Variants in GART observed in about 807,000 individuals in gnomAD.
The protein encoded by GART is trifunctional purine biosynthetic protein adenosine-3.
Under a neutral mutation model 107.2 loss-of-function variants are expected in GART, and 43 were observed. The observed-to-expected ratio is 0.40, with a 90% CI of 0.31 to 0.52. GART has a LOEUF of 0.52. GART is among the 20% of genes least tolerant of loss of function. The pLI, the probability that GART is intolerant of heterozygous loss-of-function variation, is 0.52. For missense variants in GART, 1,107 were observed against 1,206.5 expected (o/e 0.92, Z 1.22); for synonymous variants, 434 against 427.0 (o/e 1.02, Z -0.20).
intron 16 of GART, 54 bp from the exon 17 acceptor site, chr21:33,511,512 C>T: frequency 2.0e-6 from 3 of 1,491,718 alleles, no homozygotes; most frequent in South Asian, 1.1e-5. Flanking sequence ...ACACAAAGTA[C>T]AAAAGTATGC....
At chr21:33,527,160 G>A (rs2085088706) in intron 10 of GART, among the ~76,000 whole-genome samples, 1 of 152,162 alleles carries the variant, frequency 6.6e-6, no homozygotes, top group Non-Finnish European at 1.5e-5. Flanking sequence ...GCTGCCATGC[G>A]TGGGATTCAT....
chr21:33,505,647 A>G lies in GART; in HGVS notation c.2639T>C (p.Leu880Pro). The change falls in exon 20 of 22, where the codon CTA becomes CCA. Residue 880 changes from leucine to proline, a missense_variant. By Grantham distance (98) the Leu-to-Pro change is moderately conservative. Coordinates refer to ENST00000381815, the MANE Select transcript of GART (RefSeq NM_000819.5). ...GTCTATGGAGAACTCTTCAAGGACT[A>G]GGTCAATTGCACTGTCAAATTCTAC... is the stretch of plus-strand genomic sequence containing the variant. The part of the protein sequence containing the change: ...NRVEFDSAID[L>P]VLEEFSIDIV... The G allele has an allele frequency of 6.2e-7, 1 of 1,612,096 alleles. No individual in the cohort carries two copies.
intron 3 of GART, 21 bp from the exon 4 acceptor site, chr21:33,534,774 C>T (rs752137873): frequency 6.5e-7 from 1 of 1,535,194 alleles, no homozygotes; most frequent in South Asian, 1.3e-5. Flanking sequence ...AAACAGTAGC[C>T]TTAGGTGAAC....
rs764983947 is a variant in GART at position 33,539,151 on chromosome 21, C to T, written c.145+20G>A. On this transcript the variant is annotated intron_variant, in intron 2 of 21. Transcript: ENST00000381815. ...AATAACAAATAATAACTATTACTCCCCACTTTAAAACATGATTACCGGTAT... is the reference window on the plus strand; with the variant it reads ...AATAACAAATAATAACTATTACTCCTCACTTTAAAACATGATTACCGGTAT... 17 of 1,604,790 alleles carry T rather than the reference C, an allele frequency of 1.1e-5. No homozygotes were observed. The highest frequency in any genetic ancestry group is 1.4e-5 in the Non-Finnish European group (17 of 1,175,484).
chr21:33,534,549 A>T, intron 4 of GART, 30 bp downstream of exon 4: 1 of 1,612,468 alleles, frequency 6.2e-7, no homozygotes, highest in Non-Finnish European at 8.5e-7. Context: ...AAACTAAACA[A>T]CTGTCCTTCA....
At position 33,507,347 on chromosome 21, in the gene GART, A is replaced by C. The variant is rs570523942; in HGVS notation, c.2453-1243T>G. ...ACTTATTTGTGGGAGCTAAAAATTA[A>C]AACAGTTGAACTCATGATGATAGTG... is the stretch of plus-strand genomic sequence containing the variant. On this transcript the variant is annotated intron_variant, in intron 18 of 21. Transcript: ENST00000381815. Among the ~76,000 whole-genome samples, 3 of 152,348 alleles carry C rather than the reference A, an allele frequency of 2.0e-5. No homozygotes were observed. In the South Asian group the frequency reaches 6.2e-4, roughly 32 times the overall value.
Position 33,503,971 on chromosome 21 carries a change from A to C in GART, c.*153T>G, listed in dbSNP as rs2084635247. The C allele has an allele frequency of 6.7e-6, 4 of 600,782 alleles. No individual in the cohort carries two copies. The highest frequency in any genetic ancestry group is 1.1e-5 in the Non-Finnish European group (4 of 359,920). The allele number at this position is 600,782 out of a possible 1,614,324, so 37.2% of individuals were successfully genotyped here. A position where few individuals can be genotyped will look rare whatever the true frequency, so the allele number is the denominator to read the frequency against. ...GCACTAACTAGTCTTGTTTTTAGTG[A>C]GTCTCTATTTATTAAAAAAATAGAT... On this transcript the variant is annotated 3_prime_UTR_variant, in exon 22 of 22. Transcript: ENST00000381815.
Position 33,505,964 on chromosome 21 carries a change from A to G in GART, c.2583+10T>C. On this transcript the variant is annotated intron_variant, in intron 19 of 21. Transcript: ENST00000381815. ...GGCCCACAGCAAAGATATTTTCCCA[A>G]GTAACTTACTCTAGTGGGAATACCA... 1 of 1,613,876 alleles carries G rather than the reference A, an allele frequency of 6.2e-7. No individual in the cohort carries two copies.
At chr21:33,522,389 A>C in intron 11 of GART, 107 bp from the exon 12 acceptor site, 1 of 860,812 alleles carries the variant, frequency 1.2e-6, no homozygotes, top group Non-Finnish European at 1.8e-6. Flanking sequence ...ACATACCCTA[A>C]AGTGCTTAAA....
In GART at chr21:33,522,147, A is replaced by G. The variant is rs199860870; in HGVS notation, c.1393+41T>C. The G allele has an allele frequency of 1.3e-4, 183 of 1,366,038 alleles. 1 individual carries two copies. In the African/African-American group the frequency reaches 2.2e-3, roughly 17 times the overall value. The allele number at this position is 1,366,038 out of a possible 1,614,324, so 84.6% of individuals were successfully genotyped here. ...TAAAACCCAAATCCATTCACAATGT[A>G]TATCAAAGTTAATGAATTAGCAAAG... On this transcript the variant is annotated intron_variant, in intron 12 of 21. Coordinates refer to ENST00000381815, the MANE Select transcript of GART (RefSeq NM_000819.5).
chr21:33,523,876 G>C, intron 11 of GART: 1 of 350,218 alleles, frequency 2.9e-6, no homozygotes, highest in Non-Finnish European at 4.0e-6. Context: ...CTGAGGAAGG[G>C]GAATCACTTG....
upstream of GART, chr21:33,542,685 T>TA (rs1397734817): frequency 1.7e-5 from 3 of 179,388 alleles, no homozygotes; most frequent in Non-Finnish European, 2.4e-5. Context: ...AGCCGTGTGT[T>TA]AAACACCGGG....
rs181960653 is a variant in GART at position 33,513,395 on chromosome 21, C to T, written c.2108-1937G>A. The stretch of plus-strand genomic sequence containing the variant: ...CACCAGCCTGGCCAACATGATGAAA[C>T]CCCATCTCTACTGAAAATACAAAAA... On this transcript the variant is annotated intron_variant, in intron 16 of 21. Coordinates refer to ENST00000381815, the MANE Select transcript of GART (RefSeq NM_000819.5). Among the ~76,000 whole-genome samples, 300 of 151,992 alleles carry T rather than the reference C, an allele frequency of 2.0e-3. 1 individual carries two copies. Among genetic ancestry groups the T allele is most frequent in the African/African-American group, 6.9e-3 (287 of 41,498 alleles).
rs1190674936 is a variant in GART, at chr21:33,532,311, A to T, written c.528+34T>A. 11 of 1,468,390 alleles carry T rather than the reference A, an allele frequency of 7.5e-6. No individual in the cohort carries two copies. In the Admixed American group the frequency reaches 1.5e-4, roughly 20 times the overall value. 91.0% of individuals were successfully genotyped at this position (1,468,390 alleles called of 1,614,324 possible). ...AAAACGGTATTTATTCAGTATGAAT[A>T]GAAAAGTAAATTTTTTCAGAAGACC... On this transcript the variant is annotated intron_variant, in intron 5 of 21. Transcript: ENST00000381815.
Position 33,509,819 on chromosome 21 carries a change from T to G in GART, c.2416A>C (p.Lys806Gln). ...SLTNHFSFEKKKARVAVLISG... is the reference protein window; with the variant it reads ...SLTNHFSFEKQKARVAVLISG... Reference sequence around the variant, plus strand: ...ATTAAGACAGCCACTCTGGCCTTTTTTTTTTCAAAAGAGAAATGATTTGTC... The same window carrying G: ...ATTAAGACAGCCACTCTGGCCTTTTGTTTTTCAAAAGAGAAATGATTTGTC... The change falls in exon 18 of 22, where the codon AAA becomes CAA. Residue 806 changes from lysine (K) to glutamine (Q), a missense_variant. Transcript: ENST00000381815. 6.2e-7 allele frequency: 1 copy of G among 1,614,072 alleles called. No homozygotes were observed.
At chr21:33,531,450 C>T in intron 6 of GART, 39 bp downstream of exon 6, 3 of 1,577,084 alleles carry the variant, frequency 1.9e-6, no homozygotes, top group Non-Finnish European at 2.6e-6. Context: ...ATGACAGCTT[C>T]TTATACACTA....
chr21:33,529,000 A>AACAGAAGTCTAAGTAGTATTAGACTTC, intron 7 of GART, 63 bp from the exon 8 acceptor site: 1 of 1,070,788 alleles, frequency 9.3e-7, no homozygotes, highest in Admixed American at 1.8e-5. Context: ...GTAGTATTAC[A>AACAGAAGTCTAAGTAGTATTAGACTTC]TGGGACAACA....
intron 11 of GART, chr21:33,524,478 G>A (rs1035054668): frequency 1.1e-5 from 8 of 745,864 alleles, no homozygotes; most frequent in Non-Finnish European, 1.3e-5. Context: ...GGCGAGAGAG[G>A]AAGACCCTGT....
chr21:33,540,191 G>C (rs777875863), intron 1 of GART, among the ~76,000 whole-genome samples: 9 of 152,128 alleles, frequency 5.9e-5, no homozygotes, highest in Non-Finnish European at 1.3e-4. Context: ...ATGAATCAAT[G>C]TGCCAATGTC....
Sources: allele counts gnomAD v4.1 joint callset (sites outside exome capture counted in the v4.1 genomes callset), GRCh38; gene constraint gnomAD v4.1.1; transcripts MANE v1.5; gene names NCBI Gene and HGNC (gene_info 2026-07-23, HGNC 2026-07-21).